The following TRDMT1 variants were observed in gnomAD, a reference collection of about 807,000 sequenced individuals.
TRDMT1 encodes tRNA aspartic acid methyltransferase 1, also known as tRNA (cytosine(38)-C(5))-methyltransferase.
Under a neutral mutation model 51.2 loss-of-function variants are expected in TRDMT1, and 49 were observed. The observed-to-expected ratio is 0.96, with a 90% CI of 0.76 to 1.21. The LOEUF (loss-of-function observed/expected upper bound fraction) is 1.21, where lower values mean the gene tolerates loss of function less well. Among genes scored for constraint, TRDMT1 ranks in the 50% most tolerant of loss-of-function variants. The pLI is 0.00. For missense variants in TRDMT1, 534 were observed against 462.3 expected (o/e 1.16, Z -1.42); for synonymous variants, 187 against 164.6 (o/e 1.14, Z -1.04).
In TRDMT1 at chr10:17,144,033, C is replaced by T. The variant is rs922030996; in HGVS notation, c.*5007G>A. The T allele has an allele frequency of 1.0e-4, 99 of 985,224 alleles. No individual in the cohort carries two copies. The highest frequency in any genetic ancestry group is 1.1e-4 in the Non-Finnish European group (95 of 829,934). The allele number at this position is 985,224 out of a possible 1,614,324, so 61.0% of individuals were successfully genotyped here. A position where few individuals can be genotyped will look rare whatever the true frequency, so the allele number is the denominator to read the frequency against. On this transcript the variant is annotated 3_prime_UTR_variant, in exon 11 of 11. Transcript: ENST00000377799. ...AGATTTAGAGTCATCTGGGTGTCATCGGCAAAATGGCTGAAGTTGTAGGAA... is the reference window on the plus strand; with the variant it reads ...AGATTTAGAGTCATCTGGGTGTCATTGGCAAAATGGCTGAAGTTGTAGGAA...
chr10:17,166,919 G>A (rs61517255), intron 3 of TRDMT1, among the ~76,000 whole-genome samples: 44,397 of 152,030 alleles, frequency 0.29, 6,709 homozygotes, highest in Middle Eastern at 0.39. Flanking sequence ...ACCCTGAGAT[G>A]GAATGGCCTC....
intron 10 of TRDMT1, chr10:17,150,359 T>C (rs1204303218): frequency 1.0e-6 from 1 of 982,890 alleles, no homozygotes; most frequent in Non-Finnish European, 1.2e-6. Flanking sequence ...AAGAGTCCTT[T>C]ACCTATTCTG....
chr10:17,162,255 A>T lies in TRDMT1; in HGVS notation c.252-18T>A, dbSNP rs1050165647. The T allele has an allele frequency of 6.5e-7, 1 of 1,535,096 alleles. No homozygotes were observed. Among genetic ancestry groups the T allele is most frequent in the African/African-American group, 1.4e-5 (1 of 70,326 alleles). ...GGCCAATCCTAAAGGGGTAAAAAAA[A>T]AAAAAAACAAAAAAAAACACAGAAA... is the stretch of plus-strand genomic sequence containing the variant. On this transcript the variant is annotated intron_variant, in intron 3 of 10. Coordinates refer to ENST00000377799, the MANE Select transcript of TRDMT1 (RefSeq NM_004412.7).
chr10:17,148,431 A>G lies in TRDMT1; in HGVS notation c.*609T>C, dbSNP rs2131364968. ...GATAGAGGCTGAGGAAAATGTAGAT[A>G]ATGTGCACCAACAGTTTCTGTGGCC... On this transcript the variant is annotated 3_prime_UTR_variant, in exon 11 of 11. Transcript: ENST00000377799. 1.0e-6 allele frequency: 1 copy of G among 985,448 alleles called. No homozygotes were observed. The highest frequency in any genetic ancestry group is 1.2e-6 in the Non-Finnish European group (1 of 829,928). The allele number at this position is 985,448 out of a possible 1,614,324, so 61.0% of individuals were successfully genotyped here.
intron 1 of TRDMT1, among the ~76,000 whole-genome samples, chr10:17,183,820 A>G (rs1485111451): frequency 2.0e-5 from 3 of 152,242 alleles, no homozygotes; most frequent in East Asian, 1.9e-4. Flanking sequence ...CTGAGAAACA[A>G]CAAAAGGAAA....
chr10:17,154,296 AT>A (rs1839201546), intron 9 of TRDMT1, among the ~76,000 whole-genome samples: 1 of 152,126 alleles, frequency 6.6e-6, no homozygotes, highest in African/African-American at 2.4e-5. Flanking sequence ...TGTTAAGATT[AT>A]TTTTTTCCTT....
chr10:17,166,594 A>G (rs1841249436), intron 3 of TRDMT1, among the ~76,000 whole-genome samples: 1 of 152,190 alleles, frequency 6.6e-6, no homozygotes, highest in Non-Finnish European at 1.5e-5. Context: ...GTTTCCTCAT[A>G]CCTGATGGCA....
rs183741806 is a variant in TRDMT1, at chr10:17,182,198, T to G, written c.65-7538A>C. On this transcript the variant is annotated intron_variant, in intron 1 of 10. Coordinates refer to ENST00000377799, the MANE Select transcript of TRDMT1 (RefSeq NM_004412.7). ...GGCTACTACAGGCATTTTGATGCAA[T>G]AAGGGGAGAACATATATAAAAATGC... 1.8e-3 allele frequency among the ~76,000 whole-genome samples: 280 copies of G among 152,204 alleles called. 1 individual carries two copies. Among genetic ancestry groups the G allele is most frequent in the African/African-American group, 6.5e-3 (268 of 41,514 alleles).
intron 2 of TRDMT1, 71 bp downstream of exon 2, chr10:17,174,480 C>G: frequency 1.0e-6 from 1 of 1,001,920 alleles, no homozygotes; most frequent in Non-Finnish European, 1.5e-6. Flanking sequence ...CAACGGAAAC[C>G]AGTATTAGGC....
At chr10:17,160,084 C>T (rs1301873112) in intron 6 of TRDMT1, among the ~76,000 whole-genome samples, 2 of 152,050 alleles carry the variant, frequency 1.3e-5, no homozygotes, top group Non-Finnish European at 2.9e-5. Context: ...AATATAGTCT[C>T]TCTTTCAAGC....
At chr10:17,197,486 CAT>C (rs1845608844) in intron 1 of TRDMT1, among the ~76,000 whole-genome samples, 2 of 152,280 alleles carry the variant, frequency 1.3e-5, no homozygotes, top group South Asian at 2.1e-4. Context: ...CTTTTATTGA[CAT>C]ATTTTTTAAA....
At chr10:17,168,465 C>T (rs1314089771) in intron 3 of TRDMT1, among the ~76,000 whole-genome samples, 1 of 152,160 alleles carries the variant, frequency 6.6e-6, no homozygotes, top group African/African-American at 2.4e-5. Context: ...AGCACTTTCT[C>T]TACACTTGAT....
intron 1 of TRDMT1, among the ~76,000 whole-genome samples, chr10:17,184,460 T>C (rs1843652974): frequency 6.6e-6 from 1 of 151,388 alleles, no homozygotes; most frequent in Admixed American, 6.6e-5. Context: ...TATATAATAA[T>C]TAACTCACAA....
chr10:17,157,728 A>T lies in TRDMT1; in HGVS notation c.600T>A (p.Asp200Glu). The T allele has an allele frequency of 6.2e-7, 1 of 1,610,880 alleles. No homozygotes were observed. The highest frequency in any genetic ancestry group is 8.5e-7 in the Non-Finnish European group (1 of 1,179,208). ...TCTTTTCTTGAATTTTATTTTCTAC[A>T]TCCATTGCATATTTTTGTGGATGTA... ...ESVHPQKYAM[D>E]VENKIQEKNV... is the part of the protein sequence containing the mutation. Residue 200 changes from aspartate to glutamate, a missense_variant, in exon 8 of 11, where the codon GAT becomes GAA. By Grantham distance (45) the Asp-to-Glu change is conservative. Coordinates refer to ENST00000377799, the MANE Select transcript of TRDMT1 (RefSeq NM_004412.7).
At chr10:17,186,795 T>C (rs989366178) in intron 1 of TRDMT1, among the ~76,000 whole-genome samples, 5 of 152,188 alleles carry the variant, frequency 3.3e-5, no homozygotes, top group Admixed American at 1.3e-4. Context: ...CCAGAATAGA[T>C]GATTAATTCG....
At chr10:17,156,373 T>C (rs73604273) in intron 8 of TRDMT1, among the ~76,000 whole-genome samples, 2 of 151,922 alleles carry the variant, frequency 1.3e-5, no homozygotes, top group Non-Finnish European at 2.9e-5. Context: ...TAGCTGGGAA[T>C]GCAGGCACCC....
In TRDMT1 at chr10:17,137,567, C is replaced by T. The variant is rs1393441720; in HGVS notation, c.*11473G>A. Reference sequence around the variant, plus strand: ...GTTCCACTGGCCGGGCTCAGTGCCTCGTACCTGTAATCCCAGCACTTTGGG... The same window carrying T: ...GTTCCACTGGCCGGGCTCAGTGCCTTGTACCTGTAATCCCAGCACTTTGGG... On this transcript the variant is annotated 3_prime_UTR_variant, in exon 11 of 11. Transcript: ENST00000377799. The T allele has an allele frequency of 4.6e-5, 7 of 152,250 alleles. No homozygotes were observed. The highest frequency in any genetic ancestry group is 3.8e-4 in the East Asian group (2 of 5,196). The allele number at this position is 152,250 out of a possible 1,614,324, so 9.4% of individuals were successfully genotyped here.
rs779540812 is a variant in TRDMT1, at chr10:17,138,381, G to A, written c.*10659C>T. ...ACATATGTCAGTTTTGTGATTTTCT[G>A]CAAAATTTCAGGGCAATATAACATT... On this transcript the variant is annotated 3_prime_UTR_variant, in exon 11 of 11. Transcript: ENST00000377799. Among the ~76,000 whole-genome samples, 2 of 152,040 alleles carry A rather than the reference G, an allele frequency of 1.3e-5. No individual in the cohort carries two copies. Among genetic ancestry groups the A allele is most frequent in the Admixed American group, 6.6e-5 (1 of 15,266 alleles).
chr10:17,149,530 G>A (rs1161600267), intron 10 of TRDMT1, among the ~76,000 whole-genome samples: 1 of 152,084 alleles, frequency 6.6e-6, no homozygotes, highest in African/African-American at 2.4e-5. Flanking sequence ...CATTTAAAGT[G>A]TACAATTAAG....
Sources: gnomAD v4.1 joint callset for allele counts (sites outside exome capture counted in the v4.1 genomes callset) on GRCh38, gnomAD v4.1.1 for gene constraint, MANE v1.5 for transcripts, NCBI Gene and HGNC (gene_info 2026-07-23, HGNC 2026-07-21) for gene names.